Variants in GLIS3 observed in about 807,000 individuals in gnomAD.
GLIS3 encodes the protein GLIS family zinc finger 3, also known as zinc finger protein GLIS3.
In GLIS3, 53 loss-of-function variants were observed where a neutral mutation model predicts 78.6. The ratio of observed to expected loss-of-function variants is 0.67; its 90% CI spans 0.54 to 0.85. The LOEUF (loss-of-function observed/expected upper bound fraction) is 0.85, where lower values mean the gene tolerates loss of function less well. Among genes scored for constraint, GLIS3 ranks in the 40% least tolerant of loss-of-function variants. GLIS3 has a pLI of 0.00. For synonymous variants in GLIS3, 684 were observed against 509.9 expected (o/e 1.34, Z -4.60); for missense variants, 1,703 against 1,231.1 (o/e 1.38, Z -5.74).
intron 2 of GLIS3, among the ~76,000 whole-genome samples, chr9:4,135,362 G>C (rs895498673): frequency 9.2e-5 from 14 of 152,068 alleles, no homozygotes; most frequent in African/African-American, 3.4e-4. Flanking sequence ...TCTAACAGGT[G>C]AATGTGTATC....
At chr9:3,912,025 G>T (rs1824188282) in intron 6 of GLIS3, among the ~76,000 whole-genome samples, 1 of 152,074 alleles carries the variant, frequency 6.6e-6, no homozygotes, top group South Asian at 2.1e-4. Context: ...ATAGATACAG[G>T]TTCATATCTC....
At chr9:4,466,694 C>G in the GLIS3 span, among the ~76,000 whole-genome samples, 7 of 152,272 alleles carry the variant, frequency 4.6e-5, no homozygotes, top group East Asian at 9.7e-4. Flanking sequence ...AGGAACAGCT[C>G]CAGAATACAG....
intron 2 of GLIS3, among the ~76,000 whole-genome samples, chr9:4,182,966 G>C (rs918812161): frequency 6.6e-6 from 1 of 152,172 alleles, no homozygotes; most frequent in Non-Finnish European, 1.5e-5. Context: ...GCTTGTAAAT[G>C]ACACCCCACC....
chr9:3,851,679 T>G (rs553622337), intron 9 of GLIS3, among the ~76,000 whole-genome samples: 2 of 113,980 alleles, frequency 1.8e-5, no homozygotes, highest in South Asian at 6.1e-4. Context: ...ACTTGATGGA[T>G]CTCATCTTCT....
intron 1 of GLIS3, among the ~76,000 whole-genome samples, chr9:4,297,847 C>T (rs557189890): frequency 7.2e-5 from 11 of 152,232 alleles, no homozygotes; most frequent in African/African-American, 1.7e-4. Flanking sequence ...GGGGGAGAGG[C>T]GCGTAGGACA....
chr9:4,395,938 T>G, the GLIS3 span, among the ~76,000 whole-genome samples: 1 of 151,736 alleles, frequency 6.6e-6, no homozygotes, highest in Non-Finnish European at 1.5e-5. Flanking sequence ...CACGCCCAGC[T>G]AATTTTTGTA....
chr9:3,995,903 A>G (rs956488836), intron 4 of GLIS3, among the ~76,000 whole-genome samples: 2 of 152,194 alleles, frequency 1.3e-5, no homozygotes, highest in Non-Finnish European at 2.9e-5. Flanking sequence ...TTGAAAAAGA[A>G]TGAATAAGAA....
upstream of GLIS3, among the ~76,000 whole-genome samples, chr9:4,351,128 C>G (rs1326304530): frequency 6.6e-6 from 1 of 152,070 alleles, no homozygotes; most frequent in Non-Finnish European, 1.5e-5. Flanking sequence ...TTGGGATAGC[C>G]TCTCTACACT....
intron 2 of GLIS3, among the ~76,000 whole-genome samples, chr9:4,160,322 G>A (rs1347172451): frequency 2.0e-5 from 3 of 152,208 alleles, no homozygotes; most frequent in South Asian, 2.1e-4. Context: ...CCATAAATCC[G>A]CAATGCCAAG....
the GLIS3 span, among the ~76,000 whole-genome samples, chr9:4,373,613 C>A: frequency 6.6e-6 from 1 of 151,988 alleles, no homozygotes; most frequent in Admixed American, 6.6e-5. Flanking sequence ...AAAATACTTC[C>A]TAACACTTAG....
At chr9:4,155,668 A>T (rs1834998625) in intron 2 of GLIS3, among the ~76,000 whole-genome samples, 1 of 152,100 alleles carries the variant, frequency 6.6e-6, no homozygotes, top group African/African-American at 2.4e-5. Flanking sequence ...TTCTCCTTCA[A>T]ATGGAGAACC....
intron 2 of GLIS3, among the ~76,000 whole-genome samples, chr9:4,342,726 T>C (rs1817852585): frequency 6.6e-6 from 1 of 152,252 alleles, no homozygotes; most frequent in Non-Finnish European, 1.5e-5. Context: ...TTCCAATCCA[T>C]GAGCATGGCA....
chr9:4,050,328 T>C (rs1162368590), intron 4 of GLIS3, among the ~76,000 whole-genome samples: 1 of 152,116 alleles, frequency 6.6e-6, no homozygotes, highest in East Asian at 1.9e-4. Context: ...ACCATTATTC[T>C]CAGTAAACTA....
intron 6 of GLIS3, among the ~76,000 whole-genome samples, chr9:3,905,148 C>CT (rs35197736): frequency 0.014 from 1,930 of 136,202 alleles, 33 homozygotes; most frequent in African/African-American, 0.027. Context: ...AAATTTTTTT[C>CT]TTTTTTTTTT....
At chr9:3,901,420 A>G (rs955284788) in intron 6 of GLIS3, among the ~76,000 whole-genome samples, 2 of 152,254 alleles carry the variant, frequency 1.3e-5, no homozygotes, top group African/African-American at 4.8e-5. Context: ...GAAATCGGTC[A>G]TAGTGAAGTA....
At chr9:4,344,319 A>G (rs1165746207) in intron 2 of GLIS3, among the ~76,000 whole-genome samples, 1 of 152,206 alleles carries the variant, frequency 6.6e-6, no homozygotes, top group East Asian at 1.9e-4. Flanking sequence ...TAAAGCCAGC[A>G]GTCAATTCTC....
At chr9:3,874,862 C>A (rs183639438) in intron 8 of GLIS3, among the ~76,000 whole-genome samples, 3 of 152,292 alleles carry the variant, frequency 2.0e-5, no homozygotes, top group African/African-American at 7.2e-5. Context: ...GCCATGGGCT[C>A]ATAGGAAGCC....
chr9:4,080,317 T>C (rs915709701), intron 4 of GLIS3, among the ~76,000 whole-genome samples: 1 of 152,176 alleles, frequency 6.6e-6, no homozygotes, highest in African/African-American at 2.4e-5. Flanking sequence ...GAGCTCAGAT[T>C]AGGGTGAGGC....
At chr9:4,304,223 C>T (rs1241322599), upstream of GLIS3, among the ~76,000 whole-genome samples, 1 of 152,160 alleles carries the variant, frequency 6.6e-6, no homozygotes, top group Non-Finnish European at 1.5e-5. Context: ...GTGTGCAAAC[C>T]ACACTGCAAG....
Sources: allele counts gnomAD v4.1 joint callset (sites outside exome capture counted in the v4.1 genomes callset), GRCh38; gene constraint gnomAD v4.1.1; transcripts MANE v1.5; gene names NCBI Gene and HGNC (gene_info 2026-07-23, HGNC 2026-07-21).